The following CHCHD3 variants were observed in gnomAD, a reference collection of about 807,000 sequenced individuals.
CHCHD3 encodes MICOS complex subunit MIC19.
Under a neutral mutation model 38.2 loss-of-function variants are expected in CHCHD3, and 20 were observed. The ratio of observed to expected loss-of-function variants is 0.52; its 90% confidence interval spans 0.37 to 0.76. The LOEUF (loss-of-function observed/expected upper bound fraction) is 0.76, where lower values mean the gene tolerates loss of function less well. Ranked by LOEUF, CHCHD3 falls within the 30% of genes least tolerant of loss-of-function variation. The probability of loss-of-function intolerance (pLI) is 0.00; values close to 1 mark genes in which losing one functional copy is unlikely to be tolerated. For synonymous variants in CHCHD3, 82 were observed against 100.0 expected, an observed-to-expected ratio of 0.82 and a Z score of 1.07; for missense variants, 245 against 279.2, an observed-to-expected ratio of 0.88 and a Z score of 0.87.
At chr7:133,016,151 G>T (rs1028750246) in intron 3 of CHCHD3, among the ~76,000 whole-genome samples, 1 of 152,102 alleles carries the variant, frequency 6.6e-6, no homozygotes, top group Non-Finnish European at 1.5e-5. Flanking sequence ...ATATAACTTG[G>T]TAAGTTTCTT....
At chr7:132,874,827 G>A (rs1280794640) in intron 5 of CHCHD3, among the ~76,000 whole-genome samples, 1 of 152,150 alleles carries the variant, frequency 6.6e-6, no homozygotes, top group Non-Finnish European at 1.5e-5. Context: ...CTCTTGGAAA[G>A]GGTGAGGATT....
At chr7:132,949,467 C>G (rs1810986290) in intron 4 of CHCHD3, among the ~76,000 whole-genome samples, 1 of 152,138 alleles carries the variant, frequency 6.6e-6, no homozygotes, top group African/African-American at 2.4e-5. Flanking sequence ...CAAGTTCCAT[C>G]TTCTAATGAG....
intron 6 of CHCHD3, among the ~76,000 whole-genome samples, chr7:132,824,613 C>T (rs1246216793): frequency 1.3e-5 from 2 of 152,176 alleles, no homozygotes; most frequent in Admixed American, 1.3e-4. Context: ...CACGCTCGGC[C>T]ACCAAGTAGG....
intron 7 of CHCHD3, 120 bp from the exon 8 acceptor site, chr7:132,785,780 A>T (rs1433832912): frequency 1.9e-6 from 2 of 1,046,258 alleles, no homozygotes; most frequent in Admixed American, 3.9e-5. Flanking sequence ...AACACAGAAA[A>T]CAAGGCATAT....
chr7:132,858,891 C>T (rs2117128542), intron 5 of CHCHD3, among the ~76,000 whole-genome samples: 1 of 152,270 alleles, frequency 6.6e-6, no homozygotes, highest in East Asian at 1.9e-4. Context: ...ACAATAACTC[C>T]ATCAGGTTGG....
At chr7:132,866,818 G>T (rs1484710517) in intron 5 of CHCHD3, among the ~76,000 whole-genome samples, 1 of 152,190 alleles carries the variant, frequency 6.6e-6, no homozygotes, top group African/African-American at 2.4e-5. Flanking sequence ...TTTCTGAAAA[G>T]ATAGTGAAGA....
At chr7:133,053,562 CAT>C (rs1017230819) in intron 2 of CHCHD3, among the ~76,000 whole-genome samples, 2 of 152,234 alleles carry the variant, frequency 1.3e-5, no homozygotes, top group Non-Finnish European at 1.5e-5. Context: ...GTAACAATCA[CAT>C]GTGTGGTGAA....
At chr7:132,785,993 C>T (rs558094786) in intron 7 of CHCHD3, among the ~76,000 whole-genome samples, 3 of 152,262 alleles carry the variant, frequency 2.0e-5, no homozygotes, top group African/African-American at 7.2e-5. Context: ...GCCTGGGCAA[C>T]ACAATGAAAC....
At chr7:133,072,836 A>AT (rs1814865298) in intron 1 of CHCHD3, among the ~76,000 whole-genome samples, 1 of 151,438 alleles carries the variant, frequency 6.6e-6, no homozygotes, top group Non-Finnish European at 1.5e-5. Flanking sequence ...AAAAAAAAAA[A>AT]AAAAAGATCC....
chr7:132,830,963 C>T (rs1040278815), intron 6 of CHCHD3, among the ~76,000 whole-genome samples: 1 of 152,044 alleles, frequency 6.6e-6, no homozygotes, highest in Non-Finnish European at 1.5e-5. Context: ...AAAATGTCAC[C>T]ACTGCAGCTG....
At chr7:132,874,399 T>G (rs1010788642) in intron 5 of CHCHD3, among the ~76,000 whole-genome samples, 2 of 152,162 alleles carry the variant, frequency 1.3e-5, no homozygotes, top group Non-Finnish European at 2.9e-5. Flanking sequence ...TCCTATAGAT[T>G]CTTTCTAGAG....
intron 5 of CHCHD3, among the ~76,000 whole-genome samples, chr7:132,865,657 A>C (rs966823592): frequency 7.3e-5 from 11 of 150,410 alleles, no homozygotes; most frequent in Admixed American, 3.3e-4. Flanking sequence ...ATGAAAACTT[A>C]AGACAAAAGA....
intron 4 of CHCHD3, among the ~76,000 whole-genome samples, chr7:132,917,752 G>A (rs547816100): frequency 3.3e-5 from 5 of 151,210 alleles, no homozygotes; most frequent in Non-Finnish European, 7.4e-5. Flanking sequence ...CCAGTTACTC[G>A]GGAGGCTGAG....
chr7:132,806,677 A>C (rs970195490), intron 6 of CHCHD3, among the ~76,000 whole-genome samples: 2 of 152,262 alleles, frequency 1.3e-5, no homozygotes, highest in African/African-American at 2.4e-5. Flanking sequence ...GGAGGCAGTG[A>C]CATCTCTAAC....
chr7:133,001,871 T>C (rs2117392316), intron 3 of CHCHD3, among the ~76,000 whole-genome samples: 1 of 152,302 alleles, frequency 6.6e-6, no homozygotes, highest in Non-Finnish European at 1.5e-5. Flanking sequence ...TTACTTTGAT[T>C]CTGTGTGAGT....
chr7:132,901,737 T>A (rs1407747473), intron 4 of CHCHD3, among the ~76,000 whole-genome samples: 1 of 152,218 alleles, frequency 6.6e-6, no homozygotes, highest in Admixed American at 6.5e-5. Flanking sequence ...ATAAGTAGAT[T>A]GCAAAAATTT....
chr7:132,889,333 T>C (rs979686234), intron 4 of CHCHD3, among the ~76,000 whole-genome samples: 1 of 151,856 alleles, frequency 6.6e-6, no homozygotes, highest in Non-Finnish European at 1.5e-5. Flanking sequence ...TTTTTTAAAA[T>C]GCAAAAAAAA....
intron 4 of CHCHD3, among the ~76,000 whole-genome samples, chr7:132,886,305 C>A (rs918208427): frequency 4.0e-5 from 6 of 151,804 alleles, no homozygotes; most frequent in Non-Finnish European, 7.4e-5. Flanking sequence ...TAATAAATAA[C>A]CATATTTAAA....
intron 6 of CHCHD3, among the ~76,000 whole-genome samples, chr7:132,798,989 C>T (rs929285894): frequency 6.7e-6 from 1 of 148,794 alleles, no homozygotes; most frequent in African/African-American, 2.5e-5. Context: ...CTCTTGATTT[C>T]CTGTTTGGTG....
Sources: allele counts gnomAD v4.1 joint callset (sites outside exome capture counted in the v4.1 genomes callset), GRCh38; gene constraint gnomAD v4.1.1; transcripts MANE v1.5; gene names NCBI Gene and HGNC (gene_info 2026-07-23, HGNC 2026-07-21).